The following DAP3 variants were observed in gnomAD, a reference collection of about 807,000 sequenced individuals.
DAP3 encodes the protein death associated protein 3.
DAP3 carries 28 observed loss-of-function variants against 51.9 expected under a neutral mutation model. That is an observed-to-expected ratio of 0.54 (90% CI 0.40 to 0.74). DAP3 has a LOEUF of 0.74. DAP3 is among the 30% of genes least tolerant of loss of function. DAP3 has a pLI of 0.00. For missense variants in DAP3, 458 were observed against 483.5 expected (o/e 0.95, Z 0.49); for synonymous variants, 170 against 170.3 (o/e 1.00, Z 0.01).
At chr1:155,727,055 A>G (rs972059617) in intron 6 of DAP3, 2 of 152,188 alleles carry the variant, frequency 1.3e-5, no homozygotes, top group Non-Finnish European at 2.9e-5. Flanking sequence ...TGTTTTTGCC[A>G]TCTGTTAACA....
At chr1:155,733,094 T>C (rs1659412466) in intron 11 of DAP3, among the ~76,000 whole-genome samples, 1 of 152,248 alleles carries the variant, frequency 6.6e-6, no homozygotes, top group South Asian at 2.1e-4. Context: ...TCTTTGTCAT[T>C]TGAAATCTTT....
chr1:155,716,529 C>T (rs929638843), intron 2 of DAP3, among the ~76,000 whole-genome samples: 18 of 151,460 alleles, frequency 1.2e-4, no homozygotes, highest in Non-Finnish European at 1.8e-4. Context: ...GCCGAGATCG[C>T]GCCACTGCAC....
At chr1:155,723,322 C>T (rs1034020451) in intron 4 of DAP3, among the ~76,000 whole-genome samples, 1 of 152,028 alleles carries the variant, frequency 6.6e-6, no homozygotes, top group Non-Finnish European at 1.5e-5. Flanking sequence ...GCCACAGCTC[C>T]CAGCCCTGAT....
In DAP3 at chr1:155,729,263, T is replaced by G; in HGVS notation, c.740T>G (p.Leu247Arg). 1.2e-6 allele frequency: 2 copies of G among 1,614,178 alleles called. No individual in the cohort carries two copies. Among genetic ancestry groups the G allele is most frequent in the Non-Finnish European group, 1.7e-6 (2 of 1,180,044 alleles). The change falls in exon 9 of 13, where the codon CTA (leucine) becomes CGA (arginine). Residue 247 changes from leucine to arginine, a missense_variant. By Grantham distance (102) the Leu-to-Arg change is moderately radical. Coordinates refer to ENST00000368336, the MANE Select transcript of DAP3 (RefSeq NM_004632.4). ...TDAVGIVLKELKRQSSLGMFH... is the reference protein window; with the variant it reads ...TDAVGIVLKERKRQSSLGMFH... ...GCAGTTGGAATTGTGCTGAAAGAGC[T>G]AAAGAGGCAAAGTTCTTTGGGTATG...
Position 155,714,372 on chromosome 1 carries a change from A to G in DAP3, c.46-2634A>G, listed in dbSNP as rs72999076. On this transcript the variant is annotated intron_variant, in intron 2 of 12. Coordinates refer to ENST00000368336, the MANE Select transcript of DAP3 (RefSeq NM_004632.4). ...GGACCACCACACCTGGCTCCATCCAAGCTTTTAGATTAGTCGAAGGTTAAA... is the reference window on the plus strand; with the variant it reads ...GGACCACCACACCTGGCTCCATCCAGGCTTTTAGATTAGTCGAAGGTTAAA... 5.6e-3 allele frequency among the ~76,000 whole-genome samples: 857 copies of G among 152,270 alleles called. 7 individuals are homozygous for G. Among genetic ancestry groups the G allele is most frequent in the African/African-American group, 0.019 (810 of 41,548 alleles).
chr1:155,690,915 AT>A (rs1346647860), intron 1 of DAP3, among the ~76,000 whole-genome samples: 22 of 138,290 alleles, frequency 1.6e-4, no homozygotes, highest in Non-Finnish European at 2.2e-4. Flanking sequence ...AATTTATTTT[AT>A]TTTTTTTTTG....
At chr1:155,691,562 A>T (rs1032196630) in intron 1 of DAP3, among the ~76,000 whole-genome samples, 1 of 141,796 alleles carries the variant, frequency 7.1e-6, no homozygotes, top group Non-Finnish European at 1.5e-5. Flanking sequence ...TTTGTGTACA[A>T]CTTTTGCATA....
chr1:155,699,584 C>T (rs771969354), intron 1 of DAP3, among the ~76,000 whole-genome samples: 2 of 152,126 alleles, frequency 1.3e-5, no homozygotes, highest in Non-Finnish European at 2.9e-5. Flanking sequence ...TATAACTACT[C>T]TGGAGAAATG....
At chr1:155,705,281 G>A (rs1395981211) in intron 1 of DAP3, among the ~76,000 whole-genome samples, 1 of 151,030 alleles carries the variant, frequency 6.6e-6, no homozygotes, top group Non-Finnish European at 1.5e-5. Context: ...GCAAGACCCT[G>A]TCTCAAGAAA....
chr1:155,691,008 C>A (rs887317004), intron 1 of DAP3, among the ~76,000 whole-genome samples: 1 of 141,934 alleles, frequency 7.0e-6, no homozygotes, highest in Admixed American at 6.6e-5. Context: ...CCCGGGTTCG[C>A]GCCATTCTCC....
At chr1:155,724,356 C>T (rs1196998476) in intron 4 of DAP3, among the ~76,000 whole-genome samples, 1 of 152,274 alleles carries the variant, frequency 6.6e-6, no homozygotes, top group East Asian at 1.9e-4. Context: ...AAATTTTAGG[C>T]CAGGTGCGGT....
chr1:155,694,340 G>A (rs933393702), intron 1 of DAP3, among the ~76,000 whole-genome samples: 5 of 141,530 alleles, frequency 3.5e-5, no homozygotes, highest in Admixed American at 6.6e-5. Flanking sequence ...AGCCTCAACC[G>A]GGGGTTCCAA....
rs1553192849 is a variant in DAP3, at chr1:155,738,972, A to AAATAAAT, written c.*732_*733insTAAATAA. ...GGGCAGCAGAGCAAGACTCCGTCTC[A>AAATAAAT]AAATAAATAAATAAATAAATAAATA... On this transcript the variant is annotated 3_prime_UTR_variant, in exon 13 of 13. Transcript: ENST00000368336. 1 of 144,434 alleles carries AAATAAAT rather than the reference A, an allele frequency of 6.9e-6. No individual in the cohort carries two copies. The highest frequency in any genetic ancestry group is 2.6e-5 in the African/African-American group (1 of 38,694). The allele number at this position is 144,434 out of a possible 1,614,324, so 8.9% of individuals were successfully genotyped here.
At chr1:155,716,941 T>G in intron 2 of DAP3, 65 bp from the exon 3 acceptor site, 1 of 1,547,042 alleles carries the variant, frequency 6.5e-7, no homozygotes, top group East Asian at 2.3e-5. Flanking sequence ...AGAGAGAAAC[T>G]CCATCTCAAA....
In DAP3 at chr1:155,692,438, C is replaced by T. The variant is rs544952655; in HGVS notation, c.-8+3264C>T. Among the ~76,000 whole-genome samples, 3 of 141,712 alleles carry T rather than the reference C, an allele frequency of 2.1e-5. 1 individual carries two copies. The highest frequency in any genetic ancestry group is 9.6e-5 in the African/African-American group (3 of 31,232). 93.0% of individuals were successfully genotyped at this position (141,712 alleles called of 152,430 possible). On this transcript the variant is annotated intron_variant, in intron 1 of 12. Coordinates refer to ENST00000368336, the MANE Select transcript of DAP3 (RefSeq NM_004632.4). ...AAGACTTGTTCCTGGTGTCTGGTCT[C>T]TCTCCAGAGGCATCTTCCGCATCTG...
At chr1:155,725,100 ATTAT>A (rs549543968) in intron 4 of DAP3, among the ~76,000 whole-genome samples, 278 of 152,308 alleles carry the variant, frequency 1.8e-3, no homozygotes, top group African/African-American at 6.5e-3. Flanking sequence ...AGATATATCA[ATTAT>A]TTATAGATTT....
chr1:155,709,647 T>A, intron 1 of DAP3, 126 bp from the exon 2 acceptor site: 1 of 653,314 alleles, frequency 1.5e-6, no homozygotes, highest in Non-Finnish European at 2.3e-6. Context: ...GCTGTAGGCA[T>A]TCTTTATATA....
At position 155,725,490 on chromosome 1, in the gene DAP3, T is replaced by C. The variant is rs1479757419; in HGVS notation, c.379T>C (p.Tyr127His). 2.5e-6 allele frequency: 4 copies of C among 1,613,146 alleles called. No homozygotes were observed. In the African/African-American group the frequency reaches 5.3e-5, roughly 22 times the overall value. The change falls in exon 5 of 13, where the codon TAT (tyrosine) becomes CAT (histidine). Residue 127 changes from tyrosine (Y) to histidine (H), a missense_variant and splice_region_variant. By Grantham distance (83) the Tyr-to-His change is moderately conservative. Transcript: ENST00000368336. Reference sequence around the variant, plus strand: ...TTATCCAGCTATACGATATCTTCTGTGTATCCTTTCCTGCCTGCGTGGACC... The same window carrying C: ...TTATCCAGCTATACGATATCTTCTGCGTATCCTTTCCTGCCTGCGTGGACC... Reference protein sequence around the residue: ...FAYPAIRYLLYGEKGTGKTLS... With the variant: ...FAYPAIRYLLHGEKGTGKTLS...
At position 155,738,301 on chromosome 1, in the gene DAP3, A is replaced by G; in HGVS notation, c.*59A>G. 6.3e-7 allele frequency: 1 copy of G among 1,589,808 alleles called. No individual in the cohort carries two copies. The highest frequency in any genetic ancestry group is 8.6e-7 in the Non-Finnish European group (1 of 1,161,178). On this transcript the variant is annotated 3_prime_UTR_variant, in exon 13 of 13. Coordinates refer to ENST00000368336, the MANE Select transcript of DAP3 (RefSeq NM_004632.4). ...CATCTGCTTTATGCTGGACCCAGTA[A>G]GATGAGGAAGTCGGGCAGTACACAG...
Sources: gnomAD v4.1 joint callset for allele counts (sites outside exome capture counted in the v4.1 genomes callset) on GRCh38, gnomAD v4.1.1 for gene constraint, MANE v1.5 for transcripts, NCBI Gene and HGNC (gene_info 2026-07-23, HGNC 2026-07-21) for gene names.